Variants in AKAP6 observed in about 807,000 individuals in gnomAD.
AKAP6 encodes the protein A-kinase anchor protein 6.
AKAP6 carries 58 observed loss-of-function variants against 188.5 expected under a neutral mutation model. That is an observed-to-expected ratio of 0.31 (90% CI 0.25 to 0.38). The LOEUF is 0.38. Among genes scored for constraint, AKAP6 ranks in the 10% least tolerant of loss-of-function variants. The pLI, the probability that AKAP6 is intolerant of heterozygous loss-of-function variation, is 1.00. For missense variants in AKAP6, 2,710 were observed against 2,740.0 expected, an observed-to-expected ratio of 0.99 and a Z score of 0.24; for synonymous variants, 989 against 998.6, an observed-to-expected ratio of 0.99 and a Z score of 0.18.
intron 7 of AKAP6, among the ~76,000 whole-genome samples, chr14:32,643,553 G>A (rs1007265153): frequency 2.6e-5 from 4 of 152,084 alleles, no homozygotes; most frequent in East Asian, 1.9e-4. Flanking sequence ...TGATCTGCCC[G>A]CCTCGGCCTC....
rs747246474 is a variant in AKAP6 at position 32,546,123 on chromosome 14, A to G, written c.1470A>G (p.Lys490=). ...TGGGAAGGCTTAACGACTGCTATAA[A>G]GAGAAATCTCGACTTAAAAAGCCAC... The part of the protein sequence containing the change: ...SSLGRLNDCY[K]EKSRLKKPHK... The change falls in exon 4 of 14, where the codon AAA becomes AAG. Residue 490 remains lysine, a synonymous_variant. Coordinates refer to ENST00000280979, the MANE Select transcript of AKAP6 (RefSeq NM_004274.5). 1.9e-6 allele frequency: 3 copies of G among 1,614,010 alleles called. No individual in the cohort carries two copies. The South Asian group carries it at 3.3e-5, about 18-fold the overall frequency.
At chr14:32,359,562 C>CTTTT (rs36076715) in intron 1 of AKAP6, among the ~76,000 whole-genome samples, 1 of 143,548 alleles carries the variant, frequency 7.0e-6, no homozygotes. Flanking sequence ...ACTGCATAGA[C>CTTTT]TTTTTTTTTT....
At chr14:32,438,418 CT>C (rs1320496148) in intron 2 of AKAP6, among the ~76,000 whole-genome samples, 1 of 152,138 alleles carries the variant, frequency 6.6e-6, no homozygotes, top group African/African-American at 2.4e-5. Flanking sequence ...ATTTTATCTT[CT>C]GGTCATTGTG....
chr14:32,630,399 A>C (rs1258156590), intron 7 of AKAP6, among the ~76,000 whole-genome samples: 1 of 152,118 alleles, frequency 6.6e-6, no homozygotes, highest in East Asian at 1.9e-4. Flanking sequence ...AAGGAAAAAA[A>C]GGCAATATAA....
rs552265225 is a variant in AKAP6, at chr14:32,511,093, C to T, written c.325-24461C>T. Among the ~76,000 whole-genome samples, 120 of 152,322 alleles carry T rather than the reference C, an allele frequency of 7.9e-4. 1 individual carries two copies. Among genetic ancestry groups the T allele is most frequent in the African/African-American group, 2.6e-3 (110 of 41,582 alleles). On this transcript the variant is annotated intron_variant, in intron 2 of 13. Transcript: ENST00000280979. The stretch of plus-strand genomic sequence containing the variant: ...ACAGTGTAAGTGAATGGACAAGCAA[C>T]ACGGACAAAGTTTAATTGCAGGGTC...
intron 9 of AKAP6, among the ~76,000 whole-genome samples, chr14:32,710,465 G>C (rs1891000367): frequency 6.6e-6 from 1 of 152,030 alleles, no homozygotes; most frequent in Non-Finnish European, 1.5e-5. Context: ...AAGTGATGGA[G>C]AAAAAGATGT....
At chr14:32,526,604 T>G (rs2139082076) in intron 2 of AKAP6, among the ~76,000 whole-genome samples, 1 of 152,318 alleles carries the variant, frequency 6.6e-6, no homozygotes, top group East Asian at 1.9e-4. Flanking sequence ...GGTCTCAAAC[T>G]CCTGGGCTCA....
chr14:32,709,165 G>T (rs1404263387), intron 9 of AKAP6, among the ~76,000 whole-genome samples: 1 of 152,034 alleles, frequency 6.6e-6, no homozygotes, highest in Non-Finnish European at 1.5e-5. Context: ...TGGAAACACT[G>T]TCAGAAGCCT....
At chr14:32,599,884 T>C (rs780152317) in intron 6 of AKAP6, among the ~76,000 whole-genome samples, 1 of 152,214 alleles carries the variant, frequency 6.6e-6, no homozygotes, top group Non-Finnish European at 1.5e-5. Flanking sequence ...CTTATAGATA[T>C]CATTACAGAT....
chr14:32,359,866 A>G (rs976670988), intron 1 of AKAP6, among the ~76,000 whole-genome samples: 5 of 152,210 alleles, frequency 3.3e-5, no homozygotes, highest in African/African-American at 9.7e-5. Flanking sequence ...TGTAATAGCC[A>G]TACAACATAT....
intron 2 of AKAP6, among the ~76,000 whole-genome samples, chr14:32,477,252 C>G (rs1879115918): frequency 6.6e-6 from 1 of 152,122 alleles, no homozygotes. Flanking sequence ...ATCTCATGAC[C>G]CTAACTTCCT....
At chr14:32,770,251 A>G (rs1460951763) in intron 11 of AKAP6, among the ~76,000 whole-genome samples, 2 of 152,162 alleles carry the variant, frequency 1.3e-5, no homozygotes, top group Non-Finnish European at 2.9e-5. Flanking sequence ...AAAGGGGGAA[A>G]AAAGACAGAT....
At chr14:32,813,397 C>T (rs372476459) in intron 12 of AKAP6, among the ~76,000 whole-genome samples, 15 of 123,744 alleles carry the variant, frequency 1.2e-4, no homozygotes, top group African/African-American at 3.8e-4. Context: ...CTACCCCCCC[C>T]CCCAACCCCT....
At position 32,769,012 on chromosome 14, in the gene AKAP6, A is replaced by G. The variant is rs998564258; in HGVS notation, c.3373-4666A>G. On this transcript the variant is annotated intron_variant, in intron 11 of 13. Transcript: ENST00000280979. ...CATGGAAAATTTTAGGAAACTTACA[A>G]CTAGGGGATGCAGCTGCTCTTTTGA... Among the ~76,000 whole-genome samples, 5 of 141,110 alleles carry G rather than the reference A, an allele frequency of 3.5e-5. No homozygotes were observed. In the Admixed American group the frequency reaches 3.6e-4, roughly 10 times the overall value. 92.6% of individuals were successfully genotyped at this position (141,110 alleles called of 152,430 possible).
At chr14:32,422,857 C>T (rs930000771) in intron 1 of AKAP6, among the ~76,000 whole-genome samples, 3 of 152,210 alleles carry the variant, frequency 2.0e-5, no homozygotes, top group Non-Finnish European at 4.4e-5. Context: ...TCCATCTCTA[C>T]TTCCAGAGGT....
At chr14:32,420,947 GA>G (rs1423767399) in intron 1 of AKAP6, among the ~76,000 whole-genome samples, 1 of 150,418 alleles carries the variant, frequency 6.6e-6, no homozygotes, top group African/African-American at 2.4e-5. Context: ...TTGTGTGTCT[GA>G]AAATACCTTT....
intron 7 of AKAP6, among the ~76,000 whole-genome samples, chr14:32,626,795 G>A (rs1887044431): frequency 6.6e-6 from 1 of 152,018 alleles, no homozygotes; most frequent in African/African-American, 2.4e-5. Flanking sequence ...GCTTCGGTGT[G>A]GTTTCTCACA....
intron 1 of AKAP6, among the ~76,000 whole-genome samples, chr14:32,341,912 T>C (rs1886902204): frequency 6.6e-6 from 1 of 152,138 alleles, no homozygotes; most frequent in Non-Finnish European, 1.5e-5. Context: ...CTAGGGAGGC[T>C]GAGGCAAGAA....
intron 1 of AKAP6, among the ~76,000 whole-genome samples, chr14:32,344,610 G>A (rs1887004267): frequency 6.6e-6 from 1 of 152,156 alleles, no homozygotes; most frequent in African/African-American, 2.4e-5. Flanking sequence ...AGCAAGTGGA[G>A]TATAAGAGTA....
Sources: gnomAD v4.1 joint callset for allele counts (sites outside exome capture counted in the v4.1 genomes callset) on GRCh38, gnomAD v4.1.1 for gene constraint, MANE v1.5 for transcripts, NCBI Gene and HGNC (gene_info 2026-07-23, HGNC 2026-07-21) for gene names.